GSG1L: variants seen among roughly 807,000 people sequenced by gnomAD.
GSG1L encodes germ cell-specific gene 1-like protein.
Under a neutral mutation model 42.1 loss-of-function variants are expected in GSG1L, and 24 were observed. The ratio of observed to expected loss-of-function variants is 0.57; its 90% CI spans 0.41 to 0.80. The LOEUF (loss-of-function observed/expected upper bound fraction) is 0.80, where lower values mean the gene tolerates loss of function less well. Ranked by LOEUF, GSG1L falls within the 30% of genes least tolerant of loss-of-function variation. The probability of loss-of-function intolerance (pLI) is 0.00; values close to 1 mark genes in which losing one functional copy is unlikely to be tolerated. For synonymous variants in GSG1L, 215 were observed against 203.5 expected (o/e 1.06, Z -0.48); for missense variants, 445 against 472.2 (o/e 0.94, Z 0.53).
At chr16:27,886,926 G>C (rs2084037977) in intron 2 of GSG1L, among the ~76,000 whole-genome samples, 2 of 151,880 alleles carry the variant, frequency 1.3e-5, no homozygotes, top group Non-Finnish European at 2.9e-5. Context: ...GAAGCTCTCT[G>C]TCTCTTTTCT....
chr16:28,037,589 GCTC>G (rs2086055145), intron 1 of GSG1L, among the ~76,000 whole-genome samples: 1 of 152,150 alleles, frequency 6.6e-6, no homozygotes, highest in African/African-American at 2.4e-5. Context: ...TCTAGGTCAT[GCTC>G]TGGTTTGGGG....
At chr16:27,998,831 T>A (rs1254793914) in intron 1 of GSG1L, among the ~76,000 whole-genome samples, 3 of 150,800 alleles carry the variant, frequency 2.0e-5, no homozygotes, top group Non-Finnish European at 4.4e-5. Flanking sequence ...ACCCAAGGCT[T>A]CATGACTCTG....
intron 6 of GSG1L, among the ~76,000 whole-genome samples, chr16:27,804,557 C>T (rs527935344): frequency 4.0e-5 from 6 of 151,556 alleles, no homozygotes; most frequent in Non-Finnish European, 5.9e-5. Context: ...TTGCCTGACT[C>T]CCTGCTGTCT....
chr16:27,799,498 TCA>T (rs1197804782), intron 6 of GSG1L, among the ~76,000 whole-genome samples: 1 of 152,142 alleles, frequency 6.6e-6, no homozygotes, highest in Admixed American at 6.5e-5. Flanking sequence ...TGAACTATAA[TCA>T]CATCACTGCA....
chr16:27,843,581 CTGTT>C (rs1273767000), intron 4 of GSG1L, among the ~76,000 whole-genome samples: 1 of 148,780 alleles, frequency 6.7e-6, no homozygotes, highest in Non-Finnish European at 1.5e-5. Flanking sequence ...TGGGGAAAAG[CTGTT>C]TGAGAATGAA....
At chr16:27,815,281 A>G (rs1295745256) in intron 5 of GSG1L, among the ~76,000 whole-genome samples, 2 of 151,924 alleles carry the variant, frequency 1.3e-5, no homozygotes, top group African/African-American at 2.4e-5. Flanking sequence ...TTCAGGAGAG[A>G]GCTGGTTGTT....
intron 2 of GSG1L, among the ~76,000 whole-genome samples, chr16:27,888,511 CTTT>C (rs2039348472): frequency 7.1e-5 from 1 of 14,128 alleles, no homozygotes; most frequent in African/African-American, 2.2e-4. Flanking sequence ...TTCTTTCTTT[CTTT>C]CTTTCTTTCT....
At chr16:27,990,219 G>T (rs561641928) in intron 1 of GSG1L, among the ~76,000 whole-genome samples, 79 of 152,214 alleles carry the variant, frequency 5.2e-4, no homozygotes, top group Non-Finnish European at 1.1e-3. Context: ...CAGAGTCAAA[G>T]AAATTTTTTT....
intron 3 of GSG1L, among the ~76,000 whole-genome samples, chr16:27,855,707 G>A (rs1334871563): frequency 2.3e-5 from 3 of 133,276 alleles, no homozygotes; most frequent in South Asian, 2.4e-4. Context: ...GTGACAGAAC[G>A]AGACTCAGTC....
At chr16:27,935,187 G>A (rs1202061667) in intron 2 of GSG1L, among the ~76,000 whole-genome samples, 2 of 152,134 alleles carry the variant, frequency 1.3e-5, no homozygotes, top group Non-Finnish European at 2.9e-5. Flanking sequence ...AGTGAGCAGG[G>A]GAGCCCCTAA....
At chr16:27,856,997 C>T (rs1408478946) in intron 3 of GSG1L, among the ~76,000 whole-genome samples, 2 of 152,188 alleles carry the variant, frequency 1.3e-5, no homozygotes, top group African/African-American at 2.4e-5. Context: ...TTTCTTCCAG[C>T]CTGGCAACAG....
At chr16:27,832,146 C>T (rs1196768985) in intron 4 of GSG1L, among the ~76,000 whole-genome samples, 1 of 152,112 alleles carries the variant, frequency 6.6e-6, no homozygotes, top group Non-Finnish European at 1.5e-5. Context: ...TTTATTTACT[C>T]TTGTTTTTCA....
intron 3 of GSG1L, among the ~76,000 whole-genome samples, chr16:27,855,768 A>AC (rs945183818): frequency 2.0e-5 from 3 of 150,936 alleles, no homozygotes; most frequent in African/African-American, 7.3e-5. Context: ...CATGGCCCCT[A>AC]CCCACTGTGA....
At chr16:27,889,210 G>C (rs529405225) in intron 2 of GSG1L, among the ~76,000 whole-genome samples, 20 of 152,098 alleles carry the variant, frequency 1.3e-4, no homozygotes, top group African/African-American at 4.6e-4. Context: ...GGCTGGTCTC[G>C]AACTCTCAGC....
chr16:27,896,049 AC>A, intron 2 of GSG1L, among the ~76,000 whole-genome samples: 1 of 152,218 alleles, frequency 6.6e-6, no homozygotes, highest in East Asian at 1.9e-4. Flanking sequence ...CCCCTCCCAG[AC>A]CTACTGACTG....
At chr16:27,905,297 G>C (rs978936513) in intron 2 of GSG1L, among the ~76,000 whole-genome samples, 2 of 150,538 alleles carry the variant, frequency 1.3e-5, no homozygotes, top group African/African-American at 4.9e-5. Flanking sequence ...AGGGGAAAAT[G>C]CTATTCCGTT....
chr16:27,899,372 C>T (rs1353673041), intron 2 of GSG1L, among the ~76,000 whole-genome samples: 1 of 152,100 alleles, frequency 6.6e-6, no homozygotes, highest in South Asian at 2.1e-4. Context: ...CCTCTCTGAG[C>T]CTCGATTTCC....
intron 2 of GSG1L, among the ~76,000 whole-genome samples, chr16:27,962,183 T>C (rs1392731807): frequency 2.0e-5 from 3 of 152,206 alleles, no homozygotes; most frequent in Non-Finnish European, 4.4e-5. Flanking sequence ...CATTCTCTTG[T>C]TCTTCCATAA....
chr16:28,052,285 T>A (rs527646604), intron 1 of GSG1L, among the ~76,000 whole-genome samples: 111 of 152,160 alleles, frequency 7.3e-4, no homozygotes, highest in Middle Eastern at 3.4e-3. Context: ...CTTTCTTTTT[T>A]TTATTATTAT....
Sources: gnomAD v4.1 joint callset for allele counts (sites outside exome capture counted in the v4.1 genomes callset) on GRCh38, gnomAD v4.1.1 for gene constraint, MANE v1.5 for transcripts, NCBI Gene and HGNC (gene_info 2026-07-23, HGNC 2026-07-21) for gene names.